MAPK10: variants seen among roughly 807,000 people sequenced by gnomAD.
MAPK10 encodes mitogen-activated protein kinase 10.
Under a neutral mutation model 59.3 loss-of-function variants are expected in MAPK10, and 25 were observed. The ratio of observed to expected loss-of-function variants is 0.42; its 90% CI spans 0.31 to 0.59. The LOEUF is 0.59. MAPK10 is among the 20% of genes least tolerant of loss of function. MAPK10 has a pLI of 0.15. For synonymous variants in MAPK10, 190 were observed against 200.5 expected (o/e 0.95, Z 0.44); for missense variants, 351 against 568.9 (o/e 0.62, Z 3.90).
intron 2 of MAPK10, among the ~76,000 whole-genome samples, chr4:86,242,616 C>T (rs1425613272): frequency 6.6e-6 from 1 of 152,198 alleles, no homozygotes; most frequent in Non-Finnish European, 1.5e-5. Flanking sequence ...CCTGAAGAGC[C>T]ACTGTAGGCC....
chr4:86,059,832 A>G (rs2045378255), intron 11 of MAPK10, among the ~76,000 whole-genome samples: 1 of 151,982 alleles, frequency 6.6e-6, no homozygotes, highest in Non-Finnish European at 1.5e-5. Flanking sequence ...TCCAGGCCTC[A>G]TTTCCAGCAT....
chr4:86,078,723 C>T (rs2050028350), intron 9 of MAPK10, among the ~76,000 whole-genome samples: 1 of 152,074 alleles, frequency 6.6e-6, no homozygotes, highest in African/African-American at 2.4e-5. Context: ...GGGACAGAGG[C>T]TCATGCATGT....
intron 3 of MAPK10, among the ~76,000 whole-genome samples, chr4:86,182,146 T>C (rs574934737): frequency 1.3e-5 from 2 of 151,990 alleles, no homozygotes; most frequent in Admixed American, 6.6e-5. Context: ...CAAAGAAAAA[T>C]TTCTCCCGAG....
At chr4:86,300,585 GA>G (rs2095450409) in intron 2 of MAPK10, 1 of 152,132 alleles carries the variant, frequency 6.6e-6, no homozygotes, top group Non-Finnish European at 1.5e-5. Context: ...CCTGATTTAT[GA>G]AAAAGTTGTA....
At chr4:86,243,729 C>G (rs1458653682) in intron 2 of MAPK10, among the ~76,000 whole-genome samples, 1 of 148,758 alleles carries the variant, frequency 6.7e-6, no homozygotes, top group African/African-American at 2.5e-5. Flanking sequence ...TTCTCCCCAC[C>G]TCCCACCCCC....
chr4:86,394,711 T>C lies in MAPK10; in HGVS notation c.-121-40067A>G, dbSNP rs551643377. On this transcript the variant is annotated intron_variant, in intron 1 of 13. Coordinates refer to the MAPK10 transcript ENST00000361569. ...ACCATAAATGACAGACATTTTAGCA[T>C]GCTTTCTATCTTGAGTAGGATCTCA... Among the ~76,000 whole-genome samples the C allele has an allele frequency of 3.9e-5, 6 of 152,358 alleles. No individual in the cohort carries two copies. The South Asian group carries it at 1.0e-3, about 26-fold the overall frequency.
chr4:86,543,731 G>A (rs1246964212), intron 1 of MAPK10, among the ~76,000 whole-genome samples: 1 of 152,132 alleles, frequency 6.6e-6, no homozygotes, highest in Non-Finnish European at 1.5e-5. Flanking sequence ...GGAGTGTAAA[G>A]GGAATTAGAT....
chr4:86,551,049 G>T (rs1759735383), intron 1 of MAPK10, among the ~76,000 whole-genome samples: 1 of 152,156 alleles, frequency 6.6e-6, no homozygotes, highest in Non-Finnish European at 1.5e-5. Context: ...TGAAATTAAA[G>T]AAGAACTCTG....
chr4:86,484,538 T>C (rs1753845612), intron 1 of MAPK10, among the ~76,000 whole-genome samples: 1 of 152,176 alleles, frequency 6.6e-6, no homozygotes, highest in Admixed American at 6.5e-5. Flanking sequence ...AATCATTTTA[T>C]CATCTGGAAA....
At chr4:86,480,730 T>C (rs1173790476) in intron 1 of MAPK10, among the ~76,000 whole-genome samples, 2 of 152,168 alleles carry the variant, frequency 1.3e-5, no homozygotes, top group African/African-American at 4.8e-5. Context: ...TCTTTCCTCA[T>C]CCATCATAAG....
intron 1 of MAPK10, among the ~76,000 whole-genome samples, chr4:86,466,739 A>G (rs1243033901): frequency 6.6e-6 from 1 of 152,208 alleles, no homozygotes; most frequent in Non-Finnish European, 1.5e-5. Context: ...TGAAAAGCAC[A>G]CAGAACAAAA....
chr4:86,435,664 C>A lies in MAPK10; in HGVS notation c.-122+17366G>T, dbSNP rs78534883. Reference sequence around the variant, plus strand: ...ATGCAGCCCCATTAGCTCCTGTCAACCAGCAAAGGCTACCTTCTGATTAGT... The same window carrying A: ...ATGCAGCCCCATTAGCTCCTGTCAAACAGCAAAGGCTACCTTCTGATTAGT... On this transcript the variant is annotated intron_variant, in intron 1 of 13. Coordinates refer to the MAPK10 transcript ENST00000361569. 3.4e-3 allele frequency among the ~76,000 whole-genome samples: 511 copies of A among 152,270 alleles called. 7 individuals carry two copies. Among genetic ancestry groups the A allele is most frequent in the African/African-American group, 0.012 (496 of 41,550 alleles).
At chr4:86,431,864 C>T (rs1424810638) in intron 1 of MAPK10, among the ~76,000 whole-genome samples, 2 of 152,130 alleles carry the variant, frequency 1.3e-5, no homozygotes, top group South Asian at 2.1e-4. Flanking sequence ...TAGCATGATC[C>T]GAGGGTGGAG....
At chr4:86,252,169 T>G (rs2093475928) in intron 2 of MAPK10, among the ~76,000 whole-genome samples, 1 of 126,032 alleles carries the variant, frequency 7.9e-6, no homozygotes, top group South Asian at 2.3e-4. Context: ...AGAAGTTCTT[T>G]AGTTTAATTA....
intron 4 of MAPK10, among the ~76,000 whole-genome samples, chr4:86,113,526 A>G (rs2057854359): frequency 6.6e-6 from 1 of 152,140 alleles, no homozygotes; most frequent in Non-Finnish European, 1.5e-5. Flanking sequence ...TTTCTTTAAG[A>G]ATGTTGCATA....
At chr4:86,518,859 T>C (rs1300929478) in intron 1 of MAPK10, among the ~76,000 whole-genome samples, 3 of 152,230 alleles carry the variant, frequency 2.0e-5, no homozygotes, top group Admixed American at 2.0e-4. Context: ...TACATCTTGA[T>C]TTCATTGTTG....
At chr4:86,545,605 T>C (rs2149097070) in intron 1 of MAPK10, among the ~76,000 whole-genome samples, 1 of 152,278 alleles carries the variant, frequency 6.6e-6, no homozygotes, top group African/African-American at 2.4e-5. Flanking sequence ...TGTATTGTAT[T>C]TTTCATGGTG....
At chr4:86,175,125 A>G (rs2075382579) in intron 3 of MAPK10, among the ~76,000 whole-genome samples, 1 of 152,198 alleles carries the variant, frequency 6.6e-6, no homozygotes, top group Non-Finnish European at 1.5e-5. Flanking sequence ...AGTAATAATA[A>G]ATTTTATTTT....
chr4:86,386,990 G>A (rs1279723893), intron 1 of MAPK10, among the ~76,000 whole-genome samples: 2 of 152,072 alleles, frequency 1.3e-5, no homozygotes, highest in Non-Finnish European at 2.9e-5. Context: ...TTTAAAGAGT[G>A]TACAGAAAGA....
Sources: gnomAD v4.1 joint callset for allele counts (sites outside exome capture counted in the v4.1 genomes callset) on GRCh38, gnomAD v4.1.1 for gene constraint, MANE v1.5 for transcripts, NCBI Gene and HGNC (gene_info 2026-07-23, HGNC 2026-07-21) for gene names.